The following SHROOM3 variants were observed in gnomAD, a reference collection of about 807,000 sequenced individuals.
SHROOM3 encodes the protein protein Shroom3.
SHROOM3 carries 47 observed loss-of-function variants against 138.6 expected under a neutral mutation model. That is an observed-to-expected ratio of 0.34 (90% CI 0.27 to 0.43). SHROOM3 has a LOEUF of 0.43. Ranked by LOEUF, SHROOM3 falls within the 20% of genes least tolerant of loss-of-function variation. SHROOM3 has a pLI of 1.00. For missense variants in SHROOM3, 2,491 were observed against 2,596.5 expected, an observed-to-expected ratio of 0.96 and a Z score of 0.88; for synonymous variants, 1,062 against 1,063.3, an observed-to-expected ratio of 1.00 and a Z score of 0.02.
At chr4:76,510,879 G>A (rs1446581927) in intron 1 of SHROOM3, among the ~76,000 whole-genome samples, 1 of 152,010 alleles carries the variant, frequency 6.6e-6, no homozygotes, top group Non-Finnish European at 1.5e-5. Flanking sequence ...ATCTCTTCTG[G>A]CTCTAAAATG....
intron 2 of SHROOM3, among the ~76,000 whole-genome samples, chr4:76,580,124 T>A (rs1734019184): frequency 6.6e-6 from 1 of 152,248 alleles, no homozygotes; most frequent in Non-Finnish European, 1.5e-5. Flanking sequence ...TAAATCATGA[T>A]TTGAAGCAGG....
At chr4:76,444,278 T>TTA (rs964516202) in intron 1 of SHROOM3, among the ~76,000 whole-genome samples, 39 of 150,974 alleles carry the variant, frequency 2.6e-4, no homozygotes, top group African/African-American at 9.0e-4. Flanking sequence ...AATTTCTATG[T>TTA]TATATATATG....
chr4:76,637,040 A>C (rs989877161), intron 2 of SHROOM3, among the ~76,000 whole-genome samples: 2 of 152,232 alleles, frequency 1.3e-5, no homozygotes, highest in South Asian at 4.1e-4. Context: ...CCTATGGTAG[A>C]ATTGGTTTAA....
intron 3 of SHROOM3, among the ~76,000 whole-genome samples, chr4:76,728,014 A>T (rs1251992655): frequency 1.3e-5 from 2 of 151,946 alleles, no homozygotes; most frequent in African/African-American, 2.4e-5. Flanking sequence ...AATGCAAGAA[A>T]AATAATAATT....
rs185414016 is a variant in SHROOM3 at position 76,740,397 on chromosome 4, C to G, written c.2224C>G (p.Pro742Ala). The part of the protein sequence containing the change: ...SASFNSTDPS[P>A]EEPPAPSHPH... ...TTCTTTCAACAGCACAGACCCAAGT[C>G]CCGAAGAGCCGCCTGCCCCCTCGCA... Residue 742 changes from proline (P) to alanine (A), a missense_variant, in exon 5 of 11, where the codon CCC (proline) becomes GCC (alanine). Around this residue, in one of 4 missense-constraint regions of SHROOM3, gnomAD observed 1,733 missense variants for 1,661.6 expected, o/e 1.04. Coordinates refer to ENST00000296043, the MANE Select transcript of SHROOM3 (RefSeq NM_020859.4). The surrounding 1 kb of genome is among the most constrained non-coding windows in gnomAD (Gnocchi z 4.0). 2.1e-5 allele frequency: 34 copies of G among 1,613,086 alleles called. No homozygotes were observed. The South Asian group carries it at 3.7e-4, about 18-fold the overall frequency.
At chr4:76,705,601 G>A (rs897079323) in intron 2 of SHROOM3, among the ~76,000 whole-genome samples, 8 of 152,192 alleles carry the variant, frequency 5.3e-5, no homozygotes, top group Non-Finnish European at 8.8e-5. Context: ...CCTCATCATG[G>A]GAAGTAGAAG....
At chr4:76,467,748 A>C (rs928120320) in intron 1 of SHROOM3, among the ~76,000 whole-genome samples, 1 of 152,204 alleles carries the variant, frequency 6.6e-6, no homozygotes, top group Non-Finnish European at 1.5e-5. Context: ...AGTAGTCCCA[A>C]CTTTCACAAA....
At chr4:76,710,333 A>C in intron 3 of SHROOM3, 46 bp downstream of exon 3, 1 of 1,611,040 alleles carries the variant, frequency 6.2e-7, no homozygotes, top group Non-Finnish European at 8.5e-7. Context: ...AAAAGAACCC[A>C]GTCCAAAAAG....
intron 1 of SHROOM3, among the ~76,000 whole-genome samples, chr4:76,496,372 C>T (rs1003637155): frequency 6.6e-6 from 1 of 152,168 alleles, no homozygotes; most frequent in Non-Finnish European, 1.5e-5. Context: ...GTCAGGCCTT[C>T]GTGGAGCAGG....
At chr4:76,577,569 T>C (rs1260986483) in intron 2 of SHROOM3, among the ~76,000 whole-genome samples, 1 of 152,218 alleles carries the variant, frequency 6.6e-6, no homozygotes, top group African/African-American at 2.4e-5. Context: ...TATTCTTTAA[T>C]ATAACAATTC....
chr4:76,609,760 C>T (rs1577916985), intron 2 of SHROOM3, among the ~76,000 whole-genome samples: 1 of 152,224 alleles, frequency 6.6e-6, no homozygotes, highest in African/African-American at 2.4e-5. Context: ...CACTTCCTAA[C>T]ATTTACCTAA....
chr4:76,591,929 T>C (rs1734281538), intron 2 of SHROOM3, among the ~76,000 whole-genome samples: 1 of 152,180 alleles, frequency 6.6e-6, no homozygotes, highest in Non-Finnish European at 1.5e-5. Flanking sequence ...TCTAGTCAAG[T>C]GACACAGGTA....
chr4:76,463,059 G>C (rs1019641406), intron 1 of SHROOM3, among the ~76,000 whole-genome samples: 4 of 152,184 alleles, frequency 2.6e-5, no homozygotes, highest in African/African-American at 9.7e-5. Context: ...ACAGTTTTTA[G>C]GGCTCAAAAG....
intron 3 of SHROOM3, among the ~76,000 whole-genome samples, chr4:76,713,805 C>T (rs1012849355): frequency 3.3e-5 from 5 of 152,084 alleles, no homozygotes; most frequent in African/African-American, 9.7e-5. Flanking sequence ...ATGGAACCAC[C>T]GTCATAATGT....
chr4:76,692,718 G>A (rs1181245899), intron 2 of SHROOM3, among the ~76,000 whole-genome samples: 1 of 152,190 alleles, frequency 6.6e-6, no homozygotes, highest in African/African-American at 2.4e-5. Context: ...ACCTGGATGA[G>A]TCTCAAGAGC....
chr4:76,507,835 T>C (rs973830722), intron 1 of SHROOM3, among the ~76,000 whole-genome samples: 3 of 152,202 alleles, frequency 2.0e-5, no homozygotes, highest in South Asian at 2.1e-4. Context: ...TGAGCCACCA[T>C]GCCTGGCCGG....
At chr4:76,709,802 C>A in intron 2 of SHROOM3, 1 of 288,118 alleles carries the variant, frequency 3.5e-6, no homozygotes, top group South Asian at 3.3e-5. Context: ...TCAGTGAATC[C>A]AGTTTTTCCC....
intron 6 of SHROOM3, among the ~76,000 whole-genome samples, chr4:76,751,829 T>G (rs1721634235): frequency 6.6e-6 from 1 of 152,084 alleles, no homozygotes; most frequent in Admixed American, 6.5e-5. Context: ...GGTGAGGATA[T>G]GGGGAAATTA....
intron 2 of SHROOM3, among the ~76,000 whole-genome samples, chr4:76,702,040 A>T (rs1258347847): frequency 6.6e-6 from 1 of 152,236 alleles, no homozygotes; most frequent in African/African-American, 2.4e-5. Context: ...CCTGTCACCC[A>T]GTAGTAACAT....
Sources: gnomAD v4.1 joint callset for allele counts (sites outside exome capture counted in the v4.1 genomes callset) on GRCh38, gnomAD v4.1.1 for gene constraint, gnomAD v4.1.1 regional missense constraint, Gnocchi (gnomAD v3.1) non-coding constraint, MANE v1.5 for transcripts, NCBI Gene and HGNC (gene_info 2026-07-23, HGNC 2026-07-21) for gene names.